Variants in PAPPA observed in about 807,000 individuals in gnomAD.
The protein encoded by PAPPA is pappalysin 1.
A neutral mutation model predicts 164.0 loss-of-function variants in PAPPA; 60 were observed. The observed-to-expected ratio is 0.37, with a 90% CI of 0.30 to 0.45. The LOEUF (loss-of-function observed/expected upper bound fraction) is 0.45. Among genes scored for constraint, PAPPA ranks in the 20% least tolerant of loss-of-function variants. PAPPA has a pLI of 1.00. For missense variants in PAPPA, 1,782 were observed against 2,087.3 expected (o/e 0.85, Z 2.85); for synonymous variants, 875 against 814.1 (o/e 1.07, Z -1.27).
chr9:116,226,236 G>A (rs1038581622), intron 5 of PAPPA, among the ~76,000 whole-genome samples: 1 of 152,168 alleles, frequency 6.6e-6, no homozygotes, highest in Non-Finnish European at 1.5e-5. Context: ...CACTGAAAGA[G>A]GTAAGCAGAG....
rs1843795243 is a variant in PAPPA at position 116,173,343 on chromosome 9, AG to A, written c.416-13809del. Among the ~76,000 whole-genome samples the A allele has an allele frequency of 2.0e-5, 3 of 152,152 alleles. No homozygotes were observed. The South Asian group carries it at 6.2e-4, about 32-fold the overall frequency. On this transcript the variant is annotated intron_variant, in intron 1 of 21. Coordinates refer to ENST00000328252, the MANE Select transcript of PAPPA (RefSeq NM_002581.5). ...TCACCCTCTTCATTAATGAGTCTTAAGGCTAAATGACTCCAGATTGCCACAT... is the reference window on the plus strand; with the variant it reads ...TCACCCTCTTCATTAATGAGTCTTAAGCTAAATGACTCCAGATTGCCACAT...
intron 19 of PAPPA, among the ~76,000 whole-genome samples, chr9:116,368,442 T>C (rs977194129): frequency 6.6e-6 from 1 of 152,202 alleles, no homozygotes; most frequent in Non-Finnish European, 1.5e-5. Flanking sequence ...AACCCAAACC[T>C]GAGTCTGAGC....
In PAPPA at chr9:116,246,623, T is replaced by C. The variant is rs148026119; in HGVS notation, c.2732+10986T>C. Among the ~76,000 whole-genome samples the C allele has an allele frequency of 3.5e-3, 539 of 152,276 alleles. 6 individuals are homozygous for C. Among genetic ancestry groups the C allele is most frequent in the African/African-American group, 0.013 (521 of 41,550 alleles). Reference sequence around the variant, plus strand: ...TTGAGTGGAAAGAAACTTCCTGGCATGCAAGACTATTGGTTAGAATTGAGA... The same window carrying C: ...TTGAGTGGAAAGAAACTTCCTGGCACGCAAGACTATTGGTTAGAATTGAGA... On this transcript the variant is annotated intron_variant, in intron 7 of 21. Coordinates refer to ENST00000328252, the MANE Select transcript of PAPPA (RefSeq NM_002581.5).
chr9:116,267,758 C>A (rs1845085812), intron 8 of PAPPA, among the ~76,000 whole-genome samples: 2 of 151,622 alleles, frequency 1.3e-5, no homozygotes, highest in African/African-American at 4.8e-5. Context: ...GCCTGTAGTC[C>A]CAGCTACTCG....
At chr9:116,328,584 A>T (rs1845949721) in intron 10 of PAPPA, among the ~76,000 whole-genome samples, 1 of 152,210 alleles carries the variant, frequency 6.6e-6, no homozygotes, top group African/African-American at 2.4e-5. Flanking sequence ...GGTGAGGGGA[A>T]CTTTGGCAGC....
chr9:116,155,289 GC>G (rs1447950460), intron 1 of PAPPA, among the ~76,000 whole-genome samples: 2 of 152,186 alleles, frequency 1.3e-5, no homozygotes, highest in African/African-American at 4.8e-5. Flanking sequence ...GACTTTATGA[GC>G]CCGTAATGAA....
chr9:116,156,917 G>T (rs1368895965), intron 1 of PAPPA, among the ~76,000 whole-genome samples: 1 of 152,316 alleles, frequency 6.6e-6, no homozygotes, highest in Middle Eastern at 3.4e-3. Flanking sequence ...GGGTGCGAAG[G>T]CTCACCCTCT....
chr9:116,221,891 G>A (rs116956735), intron 5 of PAPPA, among the ~76,000 whole-genome samples: 1,856 of 152,136 alleles, frequency 0.012, 24 homozygotes, highest in South Asian at 0.029. Flanking sequence ...CTAATCATCA[G>A]GAAAAGGCAA....
chr9:116,154,553 G>A lies in PAPPA; in HGVS notation c.381G>A (p.Ala127=). Residue 127 remains alanine (A), a synonymous_variant, in exon 1 of 22, where the codon GCG becomes GCA. Transcript: ENST00000328252. This position sits in a 1 kb window ranked among gnomAD's most constrained non-coding sequence, Gnocchi z 5.2. ...TCACGCTGCAAGTGTGGCTGCGAGC[G>A]GAGGGGGGCCAGAGGTCTCCGGCAG... ...DAFTLQVWLR[A]EGGQRSPAVI... 7.1e-7 allele frequency: 1 copy of A among 1,407,046 alleles called. No homozygotes were observed. Among genetic ancestry groups the A allele is most frequent in the South Asian group, 1.5e-5 (1 of 67,006 alleles). The allele number at this position is 1,407,046 out of a possible 1,614,324, so 87.2% of individuals were successfully genotyped here. A position where few individuals can be genotyped will look rare whatever the true frequency, so the allele number is the denominator to read the frequency against.
chr9:116,384,273 A>ATAATAATAAT (rs1846773957), intron 21 of PAPPA, among the ~76,000 whole-genome samples: 1 of 145,986 alleles, frequency 6.8e-6, no homozygotes, highest in African/African-American at 2.5e-5. Flanking sequence ...CACGTAATTA[A>ATAATAATAAT]TAATAATAAT....
At chr9:116,387,615 T>A (rs1172624672) in intron 21 of PAPPA, among the ~76,000 whole-genome samples, 1 of 152,230 alleles carries the variant, frequency 6.6e-6, no homozygotes, top group Non-Finnish European at 1.5e-5. Context: ...GCTCCAGTGA[T>A]CCTCCAGCCT....
chr9:116,204,863 C>T (rs554748720), intron 2 of PAPPA, among the ~76,000 whole-genome samples: 2 of 152,188 alleles, frequency 1.3e-5, no homozygotes, highest in East Asian at 3.9e-4. Flanking sequence ...ATTTGACCTC[C>T]TGTGCTTTCT....
chr9:116,356,291 A>G (rs1846352832), intron 17 of PAPPA, among the ~76,000 whole-genome samples: 1 of 152,240 alleles, frequency 6.6e-6, no homozygotes, highest in South Asian at 2.1e-4. Flanking sequence ...AGGAGAAAGA[A>G]TACTACATAC....
rs1843976177 is a variant in PAPPA, at chr9:116,186,802, A to G, written c.416-352A>G. ...GGAAAATGGTTTTCAGATTTTTATT[A>G]TTATTGCTGCTGTTGTTGCAACAAC... On this transcript the variant is annotated intron_variant, in intron 1 of 21. Transcript: ENST00000328252. Among the ~76,000 whole-genome samples the G allele has an allele frequency of 2.0e-5, 3 of 152,282 alleles. No individual in the cohort carries two copies. In the South Asian group the frequency reaches 6.2e-4, roughly 32 times the overall value.
chr9:116,319,992 T>C (rs1005001363), intron 10 of PAPPA, among the ~76,000 whole-genome samples: 9 of 152,230 alleles, frequency 5.9e-5, no homozygotes, highest in African/African-American at 2.2e-4. Context: ...ATCTATCTGT[T>C]GTCCCCCAGA....
chr9:116,338,239 TCTCA>T (rs1278945869), intron 13 of PAPPA, among the ~76,000 whole-genome samples: 1 of 152,210 alleles, frequency 6.6e-6, no homozygotes, highest in Non-Finnish European at 1.5e-5. Context: ...CCTTTCTTCC[TCTCA>T]CTCTTTTTCA....
intron 18 of PAPPA, among the ~76,000 whole-genome samples, chr9:116,365,196 G>T (rs1249768565): frequency 6.6e-6 from 1 of 152,146 alleles, no homozygotes; most frequent in Non-Finnish European, 1.5e-5. Context: ...ATATGTGTCG[G>T]GCTTGGGGGC....
intron 18 of PAPPA, among the ~76,000 whole-genome samples, chr9:116,367,218 G>A (rs1846512704): frequency 6.6e-6 from 1 of 152,222 alleles, no homozygotes. Context: ...GATGAGAATT[G>A]TGGGACTCAG....
intron 1 of PAPPA, among the ~76,000 whole-genome samples, chr9:116,182,514 C>T (rs533157129): frequency 1.3e-5 from 2 of 152,066 alleles, no homozygotes; most frequent in African/African-American, 4.8e-5. Flanking sequence ...GGCATGGGGT[C>T]GTCAGACAGA....
Sources: gnomAD v4.1 joint callset for allele counts (sites outside exome capture counted in the v4.1 genomes callset) on GRCh38, gnomAD v4.1.1 for gene constraint, Gnocchi (gnomAD v3.1) non-coding constraint, MANE v1.5 for transcripts, NCBI Gene and HGNC (gene_info 2026-07-23, HGNC 2026-07-21) for gene names.